The following UHMK1 variants were observed in gnomAD, a reference collection of about 807,000 sequenced individuals.
UHMK1 encodes U2AF homology motif kinase 1, also known as serine/threonine-protein kinase Kist.
In UHMK1, 18 loss-of-function variants were observed where a neutral mutation model predicts 44.0. That is an observed-to-expected ratio of 0.41 (90% CI 0.28 to 0.61). The LOEUF (loss-of-function observed/expected upper bound fraction) is 0.61, where lower values mean the gene tolerates loss of function less well. Among genes scored for constraint, UHMK1 ranks in the 20% least tolerant of loss-of-function variants. The pLI is 0.31. For missense variants in UHMK1, 463 were observed against 522.5 expected, an observed-to-expected ratio of 0.89 and a Z score of 1.11; for synonymous variants, 231 against 198.5, an observed-to-expected ratio of 1.16 and a Z score of -1.38.
intron 3 of UHMK1, among the ~76,000 whole-genome samples, chr1:162,501,860 G>A (rs1046410572): frequency 2.6e-5 from 4 of 151,488 alleles, no homozygotes; most frequent in African/African-American, 9.7e-5. Context: ...GGCTGAGGTG[G>A]GAGGCTCACT....
At position 162,499,998 on chromosome 1, in the gene UHMK1, G is replaced by T. The variant is rs773914018; in HGVS notation, c.312G>T (p.Val104=). 3.7e-6 allele frequency: 6 copies of T among 1,614,018 alleles called. No individual in the cohort carries two copies. In the South Asian group the frequency reaches 6.6e-5, roughly 18 times the overall value. Residue 104 remains valine, a synonymous_variant, in exon 2 of 8, where the codon GTG becomes GTT. Transcript: ENST00000489294. The part of the protein sequence containing the change: ...GVFTIHFSPN[V]PSRCLLLELL... ...TTACAATCCACTTTTCTCCAAATGT[G>T]CCATCACGCTGTCTGTTGCTTGAAC...
At chr1:162,521,226 G>A (rs1469951912) in intron 7 of UHMK1, among the ~76,000 whole-genome samples, 1 of 152,112 alleles carries the variant, frequency 6.6e-6, no homozygotes, top group Non-Finnish European at 1.5e-5. Context: ...GAATTAAAAT[G>A]ATACAGCCCT....
At chr1:162,517,879 A>C (rs1445989582) in intron 6 of UHMK1, among the ~76,000 whole-genome samples, 1 of 152,152 alleles carries the variant, frequency 6.6e-6, no homozygotes, top group Admixed American at 6.5e-5. Flanking sequence ...TGTCTAAAAA[A>C]AAAAAGAAAA....
At chr1:162,508,828 G>C (rs973385330) in intron 4 of UHMK1, among the ~76,000 whole-genome samples, 1 of 151,428 alleles carries the variant, frequency 6.6e-6, no homozygotes. Context: ...TTCTTTCAAG[G>C]CAGGGTCTCA....
At chr1:162,512,898 C>G in intron 6 of UHMK1, 75 bp downstream of exon 6, 2 of 1,347,802 alleles carry the variant, frequency 1.5e-6, no homozygotes, top group Non-Finnish European at 2.1e-6. Flanking sequence ...GTAACATTTT[C>G]ATATTTCTCA....
In UHMK1 at chr1:162,499,970, T is replaced by G. The variant is rs755736436; in HGVS notation, c.284T>G (p.Val95Gly). ...CTTTTTCTAGTGACTTTGTATGGAG[T>G]GTTTACAATCCACTTTTCTCCAAAT... ...GHRNIVTLYG[V>G]FTIHFSPNVP... The change falls in exon 2 of 8, where the codon GTG (valine) becomes GGG (glycine). Residue 95 changes from valine to glycine, a missense_variant. Around this residue, in one of 3 missense-constraint regions of UHMK1, gnomAD observed 191 missense variants for 176.0 expected, o/e 1.09. Coordinates refer to ENST00000489294, the MANE Select transcript of UHMK1 (RefSeq NM_175866.5). 1 of 1,614,148 alleles carries G rather than the reference T, an allele frequency of 6.2e-7. No individual in the cohort carries two copies. Among genetic ancestry groups the G allele is most frequent in the South Asian group, 1.1e-5 (1 of 91,070 alleles).
Position 162,524,165 on chromosome 1 carries a change from A to G in UHMK1, c.*1615A>G, listed in dbSNP as rs1245768912. On this transcript the variant is annotated 3_prime_UTR_variant, in exon 8 of 8. Coordinates refer to ENST00000489294, the MANE Select transcript of UHMK1 (RefSeq NM_175866.5). ...GCTGGAAGCCTCCTCATATTTCCTT[A>G]TGTTTGCCATGCAGGTTGCTGAGAG... 1.3e-5 allele frequency: 2 copies of G among 151,956 alleles called. No homozygotes were observed. The highest frequency in any genetic ancestry group is 1.9e-4 in the East Asian group (1 of 5,192). 9.4% of individuals were successfully genotyped at this position (151,956 alleles called of 1,614,324 possible).
At position 162,500,197 on chromosome 1, in the gene UHMK1, G is replaced by T; in HGVS notation, c.511G>T (p.Glu171Ter). ...TAACATATTGTGGAGTGCAGAGAATGAATGTTTTAAACTCATTGACTTTGG... is the reference window on the plus strand; with the variant it reads ...TAACATATTGTGGAGTGCAGAGAATTAATGTTTTAAACTCATTGACTTTGG... ...PRNILWSAEN[E>*]CFKLIDFGLS... is the part of the protein sequence containing the mutation. Residue 171 changes from glutamate to a stop codon, truncating the protein, a stop_gained, in exon 2 of 8, where the codon GAA becomes TAA. Coordinates refer to ENST00000489294, the MANE Select transcript of UHMK1 (RefSeq NM_175866.5). LOFTEE classifies it high-confidence loss of function. 6.2e-7 allele frequency: 1 copy of T among 1,614,084 alleles called. No homozygotes were observed. The highest frequency in any genetic ancestry group is 1.3e-5 in the African/African-American group (1 of 75,076).
chr1:162,521,813 G>C (rs1652069339), intron 7 of UHMK1, among the ~76,000 whole-genome samples: 3 of 152,166 alleles, frequency 2.0e-5, no homozygotes, highest in East Asian at 3.9e-4. Flanking sequence ...ATTTTTAGTA[G>C]AGACACGGTT....
At chr1:162,503,923 C>T in intron 4 of UHMK1, 75 bp downstream of exon 4, 1 of 1,094,110 alleles carries the variant, frequency 9.1e-7, no homozygotes, top group Non-Finnish European at 1.3e-6. Flanking sequence ...TTTCTCTGAA[C>T]AGATTTATAT....
In UHMK1 at chr1:162,525,042, T is replaced by C. The variant is rs1652198683; in HGVS notation, c.*2492T>C. 1 of 152,062 alleles carries C rather than the reference T, an allele frequency of 6.6e-6. No individual in the cohort carries two copies. The highest frequency in any genetic ancestry group is 6.6e-5 in the Admixed American group (1 of 15,252). The allele number at this position is 152,062 out of a possible 1,614,324, so 9.4% of individuals were successfully genotyped here. On this transcript the variant is annotated 3_prime_UTR_variant, in exon 8 of 8. Coordinates refer to ENST00000489294, the MANE Select transcript of UHMK1 (RefSeq NM_175866.5). ...CCCCAGTAGCTGGGTTTACAGGCGC[T>C]TGCCACCACACCTGGCTAGATGTTT...
intron 4 of UHMK1, among the ~76,000 whole-genome samples, chr1:162,507,124 T>TC (rs1651496177): frequency 6.6e-6 from 1 of 151,988 alleles, no homozygotes; most frequent in African/African-American, 2.4e-5. Flanking sequence ...TTTTTTCCTT[T>TC]CTTTTTTTTT....
intron 3 of UHMK1, among the ~76,000 whole-genome samples, chr1:162,501,484 T>A (rs1651266778): frequency 2.0e-5 from 3 of 152,150 alleles, no homozygotes; most frequent in Admixed American, 2.0e-4. Context: ...TGATGATTCT[T>A]TTAGAGAACT....
chr1:162,523,772 G>C lies in UHMK1; in HGVS notation c.*1222G>C, dbSNP rs1304330177. On this transcript the variant is annotated 3_prime_UTR_variant, in exon 8 of 8. Coordinates refer to ENST00000489294, the MANE Select transcript of UHMK1 (RefSeq NM_175866.5). The stretch of plus-strand genomic sequence containing the variant: ...TATCCTTAGCTGAAGACAAACTAGA[G>C]GAGCAGCATCCCAGGTAGTTTGGCT... 6.6e-6 allele frequency: 1 copy of C among 152,104 alleles called. No homozygotes were observed. Among genetic ancestry groups the C allele is most frequent in the Non-Finnish European group, 1.5e-5 (1 of 68,038 alleles). 9.4% of individuals were successfully genotyped at this position (152,104 alleles called of 1,614,324 possible).
At position 162,525,349 on chromosome 1, in the gene UHMK1, C is replaced by G. The variant is rs1652209890; in HGVS notation, c.*2799C>G. ...AGGGTTCATGTCACTTAACCCCTAC[C>G]CTTTTGGGCAAATTTTGTCTCAGGT... On this transcript the variant is annotated 3_prime_UTR_variant, in exon 8 of 8. Coordinates refer to ENST00000489294, the MANE Select transcript of UHMK1 (RefSeq NM_175866.5). 1 of 152,004 alleles carries G rather than the reference C, an allele frequency of 6.6e-6. No homozygotes were observed. The highest frequency in any genetic ancestry group is 1.5e-5 in the Non-Finnish European group (1 of 68,016). The allele number at this position is 152,004 out of a possible 1,614,324, so 9.4% of individuals were successfully genotyped here. A position where few individuals can be genotyped will look rare whatever the true frequency, so the allele number is the denominator to read the frequency against.
chr1:162,515,358 A>G (rs1400481382), intron 6 of UHMK1, among the ~76,000 whole-genome samples: 1 of 152,204 alleles, frequency 6.6e-6, no homozygotes, highest in Non-Finnish European at 1.5e-5. Flanking sequence ...TTAGGTCTGT[A>G]TATCTCTAAA....
chr1:162,519,373 T>C (rs904545909), intron 7 of UHMK1, among the ~76,000 whole-genome samples: 9 of 151,814 alleles, frequency 5.9e-5, no homozygotes, highest in Admixed American at 6.6e-5. Flanking sequence ...CAGGTTCAGC[T>C]GGAGAAATGT....
At chr1:162,522,362 T>A in intron 7 of UHMK1, 42 bp from the exon 8 acceptor site, 2 of 1,608,556 alleles carry the variant, frequency 1.2e-6, no homozygotes, top group Non-Finnish European at 1.7e-6. Context: ...TCTAAAACAA[T>A]CTTGGTGGAA....
At chr1:162,520,046 A>G (rs1177161559) in intron 7 of UHMK1, among the ~76,000 whole-genome samples, 1 of 152,138 alleles carries the variant, frequency 6.6e-6, no homozygotes, top group Admixed American at 6.6e-5. Flanking sequence ...CTACAAGCAC[A>G]TGTGCCACCA....
Sources: allele counts gnomAD v4.1 joint callset (sites outside exome capture counted in the v4.1 genomes callset), GRCh38; gene constraint gnomAD v4.1.1; regional missense constraint gnomAD v4.1.1; transcripts MANE v1.5; gene names NCBI Gene and HGNC (gene_info 2026-07-23, HGNC 2026-07-21).